Variants in NRXN1 observed in about 807,000 individuals in gnomAD.
NRXN1 encodes neurexin 1, also known as neurexin-1.
A neutral mutation model predicts 150.9 loss-of-function variants in NRXN1; 39 were observed. The observed-to-expected ratio is 0.26, with a 90% CI of 0.20 to 0.34. NRXN1 has a LOEUF of 0.34. Ranked by LOEUF, NRXN1 falls within the 10% of genes least tolerant of loss-of-function variation. The pLI, the probability that NRXN1 is intolerant of heterozygous loss-of-function variation, is 1.00. For missense variants in NRXN1, 1,815 were observed against 1,949.9 expected (o/e 0.93, Z 1.30); for synonymous variants, 924 against 757.0 (o/e 1.22, Z -3.62).
At chr2:50,422,300 A>G (rs765118421) in intron 17 of NRXN1, among the ~76,000 whole-genome samples, 3 of 152,154 alleles carry the variant, frequency 2.0e-5, no homozygotes, top group Non-Finnish European at 4.4e-5. Context: ...TTGTGTCCCC[A>G]TGAATTCTAA....
chr2:49,984,227 T>C (rs930918428), intron 21 of NRXN1, among the ~76,000 whole-genome samples: 2 of 152,020 alleles, frequency 1.3e-5, no homozygotes, highest in Non-Finnish European at 2.9e-5. Context: ...ATACCATAAA[T>C]GTAATTTGAA....
chr2:50,661,982 C>G (rs558553380), intron 5 of NRXN1, among the ~76,000 whole-genome samples: 64 of 152,104 alleles, frequency 4.2e-4, no homozygotes, highest in African/African-American at 1.5e-3. Flanking sequence ...TGTATTATTC[C>G]TTAAGGCCTT....
At position 50,346,357 on chromosome 2, in the gene NRXN1, G is replaced by C. The variant is rs1001335886; in HGVS notation, c.3365-109387C>G. ...CTTAGCTGAGCGCGGCGCCCCATCC[G>C]GCCACTGAGTGACCTTCTGGCAACT... On this transcript the variant is annotated intron_variant, in intron 17 of 22. Coordinates refer to ENST00000401669, the MANE Select transcript of NRXN1 (RefSeq NM_001330078.2). This position sits in a 1 kb window ranked among gnomAD's most constrained non-coding sequence, Gnocchi z 5.0. 2.6e-5 allele frequency among the ~76,000 whole-genome samples: 4 copies of C among 152,064 alleles called. No homozygotes were observed. Among genetic ancestry groups the C allele is most frequent in the African/African-American group, 9.7e-5 (4 of 41,426 alleles).
At chr2:50,123,450 A>C (rs1038711214) in intron 18 of NRXN1, among the ~76,000 whole-genome samples, 7 of 152,190 alleles carry the variant, frequency 4.6e-5, no homozygotes, top group African/African-American at 1.7e-4. Context: ...GAAAGTAAAT[A>C]AGGGTTAAAG....
chr2:50,758,149 C>T (rs1488090194), intron 5 of NRXN1: 1 of 151,752 alleles, frequency 6.6e-6, no homozygotes, highest in Non-Finnish European at 1.5e-5. Flanking sequence ...AAAATTAAAA[C>T]AAGAAATAGA....
chr2:50,134,273 G>GAAAAAAAAA (rs59985780), intron 18 of NRXN1, among the ~76,000 whole-genome samples: 1 of 96,452 alleles, frequency 1.0e-5, no homozygotes, highest in Non-Finnish European at 2.3e-5. Context: ...AAAGTAACCA[G>GAAAAAAAAA]AAAAAAAAAA....
chr2:50,429,418 G>C (rs1558716779), intron 17 of NRXN1, among the ~76,000 whole-genome samples: 1 of 151,908 alleles, frequency 6.6e-6, no homozygotes, highest in African/African-American at 2.4e-5. Context: ...CATCACGCCT[G>C]GCTAATTTTG....
intron 2 of NRXN1, among the ~76,000 whole-genome samples, chr2:50,987,116 A>T (rs1697843427): frequency 6.6e-6 from 1 of 151,508 alleles, no homozygotes; most frequent in Non-Finnish European, 1.5e-5. Flanking sequence ...AAAAACAAAA[A>T]CTCATTTTTT....
chr2:50,249,741 T>A (rs485515), intron 17 of NRXN1, among the ~76,000 whole-genome samples: 87,008 of 151,460 alleles, frequency 0.57, 25,532 homozygotes, highest in African/African-American at 0.68. Context: ...GGGTTCAAGC[T>A]ATTCTCCTGC....
chr2:49,949,415 C>G (rs1673529789), intron 21 of NRXN1, among the ~76,000 whole-genome samples: 1 of 151,890 alleles, frequency 6.6e-6, no homozygotes, highest in Non-Finnish European at 1.5e-5. Flanking sequence ...CACGAATAAA[C>G]CCAGTATGTA....
At chr2:50,231,947 A>T (rs961019392) in intron 18 of NRXN1, among the ~76,000 whole-genome samples, 2 of 152,244 alleles carry the variant, frequency 1.3e-5, no homozygotes, top group South Asian at 2.1e-4. Context: ...TCCTCAACAC[A>T]TCGTAACTTA....
chr2:50,852,188 G>C (rs1024691535), intron 5 of NRXN1, among the ~76,000 whole-genome samples: 1 of 152,136 alleles, frequency 6.6e-6, no homozygotes, highest in African/African-American at 2.4e-5. Flanking sequence ...GATTTGACCA[G>C]GCAAAAGGCA....
At chr2:49,986,928 G>A (rs1334097175) in intron 21 of NRXN1, among the ~76,000 whole-genome samples, 1 of 152,000 alleles carries the variant, frequency 6.6e-6, no homozygotes, top group Non-Finnish European at 1.5e-5. Context: ...AGCCAGGTGG[G>A]GTGGTGCACA....
intron 17 of NRXN1, among the ~76,000 whole-genome samples, chr2:50,430,783 T>C (rs2084905030): frequency 6.6e-6 from 1 of 152,238 alleles, no homozygotes; most frequent in Admixed American, 6.5e-5. Context: ...AGTCAGGGTA[T>C]CTAATTCCTA....
At chr2:50,511,170 C>T (rs771448609) in intron 12 of NRXN1, among the ~76,000 whole-genome samples, 3 of 152,062 alleles carry the variant, frequency 2.0e-5, no homozygotes, top group Non-Finnish European at 4.4e-5. Flanking sequence ...AAGTGACTCT[C>T]CTGCCTCAGC....
intron 2 of NRXN1, among the ~76,000 whole-genome samples, chr2:51,024,375 A>G (rs1558606098): frequency 6.6e-6 from 1 of 152,124 alleles, no homozygotes; most frequent in African/African-American, 2.4e-5. Flanking sequence ...TTTCCCTTGA[A>G]TATAACACCT....
intron 21 of NRXN1, among the ~76,000 whole-genome samples, chr2:49,980,862 A>G (rs1679877708): frequency 6.6e-6 from 1 of 152,092 alleles, no homozygotes; most frequent in African/African-American, 2.4e-5. Flanking sequence ...AGTTTCCTTT[A>G]TAAGATGAGA....
intron 17 of NRXN1, among the ~76,000 whole-genome samples, chr2:50,397,842 A>G (rs1439685645): frequency 6.6e-6 from 1 of 152,078 alleles, no homozygotes. Context: ...TAACAGAATT[A>G]TTTCTGTATG....
intron 2 of NRXN1, among the ~76,000 whole-genome samples, chr2:51,022,826 T>C (rs1324175121): frequency 6.6e-6 from 1 of 152,208 alleles, no homozygotes; most frequent in Non-Finnish European, 1.5e-5. Flanking sequence ...CAAATATATT[T>C]TGTCACTAGA....
Sources: allele counts gnomAD v4.1 joint callset (sites outside exome capture counted in the v4.1 genomes callset), GRCh38; gene constraint gnomAD v4.1.1; non-coding constraint Gnocchi (gnomAD v3.1); transcripts MANE v1.5; gene names NCBI Gene and HGNC (gene_info 2026-07-23, HGNC 2026-07-21).